Variants in ROBO1 observed in about 807,000 individuals in gnomAD.
ROBO1 encodes roundabout homolog 1.
ROBO1 carries 149 observed loss-of-function variants against 195.9 expected under a neutral mutation model. The ratio of observed to expected loss-of-function variants is 0.76; its 90% CI spans 0.67 to 0.87. The LOEUF (loss-of-function observed/expected upper bound fraction) is 0.87, where lower values mean the gene tolerates loss of function less well. Ranked by LOEUF, ROBO1 falls within the 40% of genes least tolerant of loss-of-function variation. The pLI is 0.00. For missense variants in ROBO1, 1,933 were observed against 2,068.3 expected, an observed-to-expected ratio of 0.93 and a Z score of 1.27; for synonymous variants, 816 against 733.2, an observed-to-expected ratio of 1.11 and a Z score of -1.82.
intron 3 of ROBO1, among the ~76,000 whole-genome samples, chr3:78,979,050 T>C (rs967867300): frequency 2.0e-5 from 3 of 152,196 alleles, no homozygotes; most frequent in Admixed American, 1.3e-4. Flanking sequence ...GTGCCTAATA[T>C]ATGCAAGTAT....
chr3:79,196,538 C>T (rs1028506069), intron 2 of ROBO1, among the ~76,000 whole-genome samples: 3 of 151,710 alleles, frequency 2.0e-5, no homozygotes, highest in Admixed American at 1.3e-4. Context: ...TCAAGACTTG[C>T]TAGTGAGTTA....
intron 2 of ROBO1, among the ~76,000 whole-genome samples, chr3:79,241,368 C>T (rs1038875394): frequency 1.3e-5 from 2 of 152,168 alleles, no homozygotes; most frequent in Non-Finnish European, 2.9e-5. Context: ...ATTATTCATA[C>T]ATCCAGCACC....
intron 8 of ROBO1, among the ~76,000 whole-genome samples, chr3:78,692,464 G>A (rs1275858436): frequency 6.6e-6 from 1 of 151,938 alleles, no homozygotes; most frequent in Non-Finnish European, 1.5e-5. Context: ...AGAGATGGGG[G>A]TTTGCCATGT....
At chr3:79,743,528 C>G (rs1703739272) in intron 1 of ROBO1, among the ~76,000 whole-genome samples, 1 of 152,124 alleles carries the variant, frequency 6.6e-6, no homozygotes, top group Non-Finnish European at 1.5e-5. Context: ...TACACTTAGA[C>G]TACACTAAAT....
chr3:79,688,929 T>C (rs956396980), intron 1 of ROBO1, among the ~76,000 whole-genome samples: 43 of 152,170 alleles, frequency 2.8e-4, no homozygotes, highest in African/African-American at 9.9e-4. Flanking sequence ...TTTATCAACA[T>C]GTATTATATT....
intron 1 of ROBO1, among the ~76,000 whole-genome samples, chr3:79,657,766 A>G (rs527684733): frequency 3.3e-5 from 5 of 152,236 alleles, no homozygotes; most frequent in Admixed American, 3.3e-4. Flanking sequence ...AAAGGGGATC[A>G]TATCTAGATT....
chr3:79,219,799 T>C (rs1245386579), intron 2 of ROBO1, among the ~76,000 whole-genome samples: 1 of 152,050 alleles, frequency 6.6e-6, no homozygotes, highest in Non-Finnish European at 1.5e-5. Flanking sequence ...AATGATTCTT[T>C]CTTAGGAATA....
chr3:78,934,678 C>G (rs1487669940), intron 4 of ROBO1, among the ~76,000 whole-genome samples: 1 of 151,942 alleles, frequency 6.6e-6, no homozygotes, highest in East Asian at 1.9e-4. Context: ...GGATTCTCAT[C>G]TATTCCAAGC....
intron 2 of ROBO1, among the ~76,000 whole-genome samples, chr3:79,189,401 C>T (rs192934244): frequency 1.8e-4 from 27 of 151,710 alleles, no homozygotes; most frequent in Admixed American, 1.7e-3. Flanking sequence ...TAAGTATAAG[C>T]AGAACAGAGA....
chr3:79,288,027 T>C (rs2031999362), intron 2 of ROBO1, among the ~76,000 whole-genome samples: 1 of 152,116 alleles, frequency 6.6e-6, no homozygotes. Flanking sequence ...AATAGTAATT[T>C]TCTTAAAGAT....
At chr3:78,657,727 G>A (rs115609581) in intron 17 of ROBO1, among the ~76,000 whole-genome samples, 2,965 of 152,300 alleles carry the variant, frequency 0.019, 92 homozygotes, top group African/African-American at 0.065. Context: ...AGTAGGAAAC[G>A]CCAAGCCTCG....
intron 5 of ROBO1, among the ~76,000 whole-genome samples, chr3:78,741,583 AAAGT>A (rs2082535199): frequency 6.6e-6 from 1 of 152,142 alleles, no homozygotes. Flanking sequence ...CCACCCTAAT[AAAGT>A]ATCTTGAACT....
At chr3:79,642,520 CA>C (rs1337654119) in intron 1 of ROBO1, among the ~76,000 whole-genome samples, 5 of 151,850 alleles carry the variant, frequency 3.3e-5, no homozygotes, top group African/African-American at 9.7e-5. Context: ...TTAAGAGCAG[CA>C]AAAGAAAAGA....
At chr3:79,322,294 T>C (rs2034014393) in intron 2 of ROBO1, among the ~76,000 whole-genome samples, 1 of 152,130 alleles carries the variant, frequency 6.6e-6, no homozygotes, top group Admixed American at 6.6e-5. Context: ...AATTTTCAGA[T>C]TTAGATGGAG....
chr3:79,764,467 T>C (rs1211160690), intron 1 of ROBO1, among the ~76,000 whole-genome samples: 4 of 152,206 alleles, frequency 2.6e-5, no homozygotes, highest in South Asian at 2.1e-4. Context: ...CTCCAGCAGA[T>C]TGGTGGAAGC....
At chr3:79,266,070 C>T (rs940701443) in intron 2 of ROBO1, among the ~76,000 whole-genome samples, 3 of 151,158 alleles carry the variant, frequency 2.0e-5, no homozygotes, top group African/African-American at 7.3e-5. Flanking sequence ...AAGTTAATAC[C>T]ATTGTAAATC....
At chr3:79,388,577 G>T (rs2106685117) in intron 2 of ROBO1, among the ~76,000 whole-genome samples, 1 of 152,064 alleles carries the variant, frequency 6.6e-6, no homozygotes, top group East Asian at 1.9e-4. Context: ...AAATCACTCT[G>T]GTCAGAACAG....
At chr3:79,476,857 A>G (rs1384470815) in intron 2 of ROBO1, among the ~76,000 whole-genome samples, 1 of 152,136 alleles carries the variant, frequency 6.6e-6, no homozygotes, top group Non-Finnish European at 1.5e-5. Flanking sequence ...GGAAATCACC[A>G]TCAAAGAACT....
At chr3:78,769,617 G>GTTTTTTTTTTTTTTTTTT (rs1559836189) in intron 4 of ROBO1, among the ~76,000 whole-genome samples, 3 of 72,924 alleles carry the variant, frequency 4.1e-5, no homozygotes, top group Admixed American at 1.7e-4. Flanking sequence ...AGTGTACTTT[G>GTTTTTTTTTTTTTTTTTT]GTTTTTTTTT....
Sources: gnomAD v4.1 joint callset for allele counts (sites outside exome capture counted in the v4.1 genomes callset) on GRCh38, gnomAD v4.1.1 for gene constraint, MANE v1.5 for transcripts, NCBI Gene and HGNC (gene_info 2026-07-23, HGNC 2026-07-21) for gene names.